The following TXLNB variants were observed in gnomAD, a reference collection of about 807,000 sequenced individuals.
TXLNB encodes the protein taxilin beta.
A neutral mutation model predicts 57.4 loss-of-function variants in TXLNB; 37 were observed. The ratio of observed to expected loss-of-function variants is 0.64; its 90% CI spans 0.50 to 0.85. The LOEUF is 0.85. Ranked by LOEUF, TXLNB falls within the 40% of genes least tolerant of loss-of-function variation. TXLNB has a pLI of 0.00. For missense variants in TXLNB, 848 were observed against 825.6 expected (o/e 1.03, Z -0.33); for synonymous variants, 302 against 309.6 (o/e 0.98, Z 0.26).
At chr6:139,215,828 C>G in the TXLNB span, among the ~76,000 whole-genome samples, 1 of 152,196 alleles carries the variant, frequency 6.6e-6, no homozygotes, top group African/African-American at 2.4e-5. Flanking sequence ...TGAACAGACA[C>G]TTCTCTAAAG....
the TXLNB span, among the ~76,000 whole-genome samples, chr6:139,298,174 C>T: frequency 0.59 from 89,573 of 152,066 alleles, 26,940 homozygotes; most frequent in Admixed American, 0.65. Flanking sequence ...TAGTAAAGAG[C>T]AGATGGACTT....
chr6:139,179,668 A>G, the TXLNB span: 5 of 152,258 alleles, frequency 3.3e-5, no homozygotes, highest in African/African-American at 9.6e-5. Flanking sequence ...CGAATATTCA[A>G]CACCATGAAG....
the TXLNB span, among the ~76,000 whole-genome samples, chr6:139,164,080 ACT>A: frequency 0.024 from 3,605 of 148,022 alleles, 136 homozygotes; most frequent in African/African-American, 0.083. Flanking sequence ...ACACACACAC[ACT>A]CTCTCTCTCT....
chr6:139,243,288 C>T lies in TXLNB; in HGVS notation c.1293G>A (p.Glu431=), dbSNP rs1775997042. The T allele has an allele frequency of 6.2e-7, 1 of 1,611,528 alleles. No homozygotes were observed. The highest frequency in any genetic ancestry group is 8.5e-7 in the Non-Finnish European group (1 of 1,179,900). ...GCCTCCCGATTTTCATCACAAAGCACTCATATTCTTTAGCTCTCAGTGCTT... is the reference window on the plus strand; with the variant it reads ...GCCTCCCGATTTTCATCACAAAGCATTCATATTCTTTAGCTCTCAGTGCTT... ...EEKALRAKEY[E]CFVMKIGRLE... The change falls in exon 10 of 10, where the codon GAG becomes GAA. Residue 431 remains glutamate (E), a synonymous_variant. Coordinates refer to ENST00000358430, the MANE Select transcript of TXLNB (RefSeq NM_153235.4).
chr6:139,239,861 G>C (rs938399127), downstream of TXLNB, among the ~76,000 whole-genome samples: 1 of 149,854 alleles, frequency 6.7e-6, no homozygotes, highest in Non-Finnish European at 1.5e-5. This position sits in a 1 kb window ranked among gnomAD's most constrained non-coding sequence, Gnocchi z 4.7. Context: ...GTCTCTCTCT[G>C]TCTGTCACAT....
the TXLNB span, among the ~76,000 whole-genome samples, chr6:139,199,107 T>C: frequency 4.6e-5 from 7 of 152,188 alleles, no homozygotes; most frequent in Non-Finnish European, 8.8e-5. Flanking sequence ...TGGTGTAGCC[T>C]ACAGGGCCCA....
At chr6:139,213,570 A>G in the TXLNB span, among the ~76,000 whole-genome samples, 1 of 152,212 alleles carries the variant, frequency 6.6e-6, no homozygotes, top group Admixed American at 6.5e-5. Context: ...TAAAAGAACT[A>G]GAGAAGCAAG....
At chr6:139,206,673 C>CA in the TXLNB span, among the ~76,000 whole-genome samples, 8,538 of 118,618 alleles carry the variant, frequency 0.072, 268 homozygotes, top group Admixed American at 0.12. Flanking sequence ...GACTCCATCT[C>CA]AAAAAAAAAA....
At chr6:139,193,028 T>A in the TXLNB span, among the ~76,000 whole-genome samples, 1 of 151,738 alleles carries the variant, frequency 6.6e-6, no homozygotes, top group Admixed American at 6.6e-5. Context: ...ACTGGTGACC[T>A]CCATGTGTTA....
intron 2 of TXLNB, among the ~76,000 whole-genome samples, chr6:139,284,688 C>T (rs1261334702): frequency 6.9e-6 from 1 of 145,764 alleles, no homozygotes; most frequent in African/African-American, 2.5e-5. Context: ...ATGCTTCACT[C>T]CAGGCCTACA....
In TXLNB at chr6:139,243,118, A is replaced by G. The variant is rs776693238; in HGVS notation, c.1463T>C (p.Ile488Thr). Residue 488 changes from isoleucine to threonine, a missense_variant, in exon 10 of 10, where the codon ATT (isoleucine) becomes ACT (threonine). Coordinates refer to ENST00000358430, the MANE Select transcript of TXLNB (RefSeq NM_153235.4). ...GACACTATTAACCTCCTCTGCGTCA[A>G]TCTCTTGATCCACAGAGACGTTTGA... The part of the protein sequence containing the change: ...PESNVSVDQE[I>T]DAEEVNSVQT... 28 of 1,613,922 alleles carry G rather than the reference A, an allele frequency of 1.7e-5. No individual in the cohort carries two copies. The highest frequency in any genetic ancestry group is 2.2e-5 in the Non-Finnish European group (26 of 1,180,008).
chr6:139,213,487 G>A, the TXLNB span, among the ~76,000 whole-genome samples: 5,129 of 152,162 alleles, frequency 0.034, 232 homozygotes, highest in African/African-American at 0.1. Flanking sequence ...AGTGTGTAGA[G>A]GGAAATTTAT....
At chr6:139,315,421 G>A in the TXLNB span, among the ~76,000 whole-genome samples, 1 of 152,202 alleles carries the variant, frequency 6.6e-6, no homozygotes, top group African/African-American at 2.4e-5. Flanking sequence ...AACCCATTGG[G>A]CAGTTACATT....
the TXLNB span, among the ~76,000 whole-genome samples, chr6:139,188,399 T>C: frequency 1.3e-5 from 2 of 152,200 alleles, no homozygotes; most frequent in Non-Finnish European, 2.9e-5. Flanking sequence ...AGCTTCAAAC[T>C]GAGACCTGTG....
Position 139,276,832 on chromosome 6 carries a change from A to G in TXLNB, c.514T>C (p.Leu172=). The G allele has an allele frequency of 6.2e-7, 1 of 1,606,748 alleles. No homozygotes were observed. The highest frequency in any genetic ancestry group is 8.5e-7 in the Non-Finnish European group (1 of 1,177,360). ...AAGAAGCTAATCCAAGATCTTACCA[A>G]TTCAGCATACTTCTTGAATAAAAAA... ...FDFLFKKYAE[L]LDEHRTEQKK... Residue 172 remains leucine (L), a splice_region_variant and synonymous_variant, in exon 3 of 10, where the codon TTG becomes CTG. Coordinates refer to ENST00000358430, the MANE Select transcript of TXLNB (RefSeq NM_153235.4).
chr6:139,186,611 A>T, the TXLNB span, among the ~76,000 whole-genome samples: 4 of 151,936 alleles, frequency 2.6e-5, no homozygotes, highest in Non-Finnish European at 5.9e-5. Context: ...CATCCATTCC[A>T]CTCCTGTGCA....
the TXLNB span, among the ~76,000 whole-genome samples, chr6:139,206,463 T>A: frequency 6.6e-6 from 1 of 152,230 alleles, no homozygotes; most frequent in Non-Finnish European, 1.5e-5. Flanking sequence ...AGTCAGGAGA[T>A]TGAGACCATC....
chr6:139,313,363 C>T, the TXLNB span, among the ~76,000 whole-genome samples: 3 of 152,138 alleles, frequency 2.0e-5, no homozygotes, highest in Non-Finnish European at 2.9e-5. Context: ...TGAGCCGCTG[C>T]GCCCGGCCTG....
At chr6:139,285,948 G>A (rs756290943) in intron 2 of TXLNB, among the ~76,000 whole-genome samples, 1 of 145,186 alleles carries the variant, frequency 6.9e-6, no homozygotes, top group Non-Finnish European at 1.5e-5. Flanking sequence ...TATCAGTTTC[G>A]AAAATACCAC....
Sources: gnomAD v4.1 joint callset for allele counts (sites outside exome capture counted in the v4.1 genomes callset) on GRCh38, gnomAD v4.1.1 for gene constraint, Gnocchi (gnomAD v3.1) non-coding constraint, MANE v1.5 for transcripts, NCBI Gene and HGNC (gene_info 2026-07-23, HGNC 2026-07-21) for gene names.